The following TRPC1 variants were observed in gnomAD, a reference collection of about 807,000 sequenced individuals.
TRPC1 encodes transient receptor potential cation channel subfamily C member 1.
In TRPC1, 42 loss-of-function variants were observed where a neutral mutation model predicts 88.2. The observed-to-expected ratio is 0.48, with a 90% confidence interval of 0.37 to 0.62. TRPC1 has a LOEUF of 0.62. TRPC1 is among the 20% of genes least tolerant of loss of function. The pLI, the probability that TRPC1 is intolerant of heterozygous loss-of-function variation, is 0.00. For synonymous variants in TRPC1, 288 were observed against 331.8 expected, an observed-to-expected ratio of 0.87 and a Z score of 1.43; for missense variants, 699 against 957.3, an observed-to-expected ratio of 0.73 and a Z score of 3.56.
Position 142,807,187 on chromosome 3 carries a change from G to A in TRPC1, c.*952G>A, listed in dbSNP as rs913591193. 6.6e-6 allele frequency: 1 copy of A among 151,392 alleles called. No homozygotes were observed. Among genetic ancestry groups the A allele is most frequent in the Non-Finnish European group, 1.5e-5 (1 of 67,898 alleles). The allele number at this position is 151,392 out of a possible 1,614,324, so 9.4% of individuals were successfully genotyped here. On this transcript the variant is annotated 3_prime_UTR_variant, in exon 13 of 13. Transcript: ENST00000476941. ...ACCTGTTTTGTTTTTGTAAAACATAGGAAGTCTCTTTAATGCAATGATTTG... is the reference window on the plus strand; with the variant it reads ...ACCTGTTTTGTTTTTGTAAAACATAAGAAGTCTCTTTAATGCAATGATTTG...
At chr3:142,802,677 G>A (rs895572012) in intron 10 of TRPC1, among the ~76,000 whole-genome samples, 1 of 152,028 alleles carries the variant, frequency 6.6e-6, no homozygotes, top group Non-Finnish European at 1.5e-5. Context: ...TGTCCTTCAG[G>A]TATTAAATGT....
intron 4 of TRPC1, among the ~76,000 whole-genome samples, chr3:142,774,589 A>G (rs1435298473): frequency 1.3e-5 from 2 of 152,224 alleles, no homozygotes; most frequent in East Asian, 1.9e-4. Flanking sequence ...TGATGGAGGC[A>G]GTTCTAGGCA....
intron 4 of TRPC1, among the ~76,000 whole-genome samples, chr3:142,774,300 G>C (rs185623166): frequency 1.3e-3 from 192 of 152,314 alleles, no homozygotes; most frequent in Middle Eastern, 0.01. Flanking sequence ...AATTTGTGGA[G>C]AACTTATGTG....
chr3:142,737,330 A>ATGTATGTATG lies in TRPC1; in HGVS notation c.327+798_327+799insGTATGTATGT, dbSNP rs1560093169. 2.0e-4 allele frequency among the ~76,000 whole-genome samples: 12 copies of ATGTATGTATG among 60,164 alleles called. No individual in the cohort carries two copies. In the East Asian group the frequency reaches 4.4e-3, roughly 22 times the overall value. 39.5% of individuals were successfully genotyped at this position (60,164 alleles called of 152,430 possible). A position where few individuals can be genotyped will look rare whatever the true frequency, so the allele number is the denominator to read the frequency against. On this transcript the variant is annotated intron_variant, in intron 2 of 12. Coordinates refer to ENST00000476941, the MANE Select transcript of TRPC1 (RefSeq NM_001251845.2). ...TTCTATGTACATTGCTATTTTATATATATATATGTATGTATGTATGTATGT... is the reference window on the plus strand; with the variant it reads ...TTCTATGTACATTGCTATTTTATATATGTATGTATGTATATATGTATGTATGTATGTATGT...
At chr3:142,783,552 G>C (rs1304208950) in intron 6 of TRPC1, among the ~76,000 whole-genome samples, 2 of 151,952 alleles carry the variant, frequency 1.3e-5, no homozygotes, top group Non-Finnish European at 2.9e-5. Flanking sequence ...TTCAAGTTTT[G>C]CTTATTTGGA....
intron 4 of TRPC1, among the ~76,000 whole-genome samples, chr3:142,758,138 A>G (rs1935042276): frequency 6.6e-6 from 1 of 151,604 alleles, no homozygotes; most frequent in African/African-American, 2.4e-5. Context: ...TGGTAGTTCT[A>G]TTTTTAGTTT....
At chr3:142,731,374 A>ATTTTTTTTTTTT (rs59613066) in intron 1 of TRPC1, among the ~76,000 whole-genome samples, 1 of 79,524 alleles carries the variant, frequency 1.3e-5, no homozygotes, top group Non-Finnish European at 2.4e-5. Flanking sequence ...ATATGTTTTG[A>ATTTTTTTTTTTT]TTTTTTTTTT....
intron 11 of TRPC1, 88 bp downstream of exon 11, chr3:142,804,266 A>G: frequency 1.6e-6 from 2 of 1,242,352 alleles, no homozygotes; most frequent in Non-Finnish European, 1.1e-6. Context: ...TTATAAGATT[A>G]TAAGAATTGA....
chr3:142,784,142 G>A (rs1350227103), intron 6 of TRPC1, among the ~76,000 whole-genome samples: 1 of 152,042 alleles, frequency 6.6e-6, no homozygotes, highest in African/African-American at 2.4e-5. Context: ...TTGCTATCTT[G>A]ACTTCTTGGC....
intron 4 of TRPC1, among the ~76,000 whole-genome samples, chr3:142,749,441 AAAG>A (rs1194026007): frequency 6.6e-6 from 1 of 152,220 alleles, no homozygotes; most frequent in African/African-American, 2.4e-5. Flanking sequence ...AAATATTCCA[AAAG>A]AAGGCATTGT....
rs772034228 is a variant in TRPC1, at chr3:142,804,113, G to A, written c.1894G>A (p.Val632Met). Residue 632 changes from valine (V) to methionine (M), a missense_variant, in exon 11 of 13, where the codon GTG becomes ATG. By Grantham distance (21) the Val-to-Met change is conservative. Coordinates refer to ENST00000476941, the MANE Select transcript of TRPC1 (RefSeq NM_001251845.2). ...TGTCATTGTTGGTACATACAATGTC[G>A]TGGTTGTGATTGTGCTTACCAAACT... ...GAVIVGTYNV[V>M]VVIVLTKLLV... 49 of 1,613,770 alleles carry A rather than the reference G, an allele frequency of 3.0e-5. No individual in the cohort carries two copies. Among genetic ancestry groups the A allele is most frequent in the South Asian group, 2.5e-4 (23 of 91,086 alleles).
chr3:142,761,766 T>C (rs1294462481), intron 4 of TRPC1, among the ~76,000 whole-genome samples: 2 of 152,134 alleles, frequency 1.3e-5, no homozygotes, highest in South Asian at 4.1e-4. Context: ...GATTGGTTTG[T>C]TGAGGTTTTC....
intron 5 of TRPC1, among the ~76,000 whole-genome samples, chr3:142,780,596 G>T (rs1214186167): frequency 6.6e-6 from 1 of 152,104 alleles, no homozygotes; most frequent in African/African-American, 2.4e-5. Flanking sequence ...AATGAACACT[G>T]TGCTCATCTA....
In TRPC1 at chr3:142,776,487, G is replaced by A. The variant is rs191786590; in HGVS notation, c.633-1145G>A. On this transcript the variant is annotated intron_variant, in intron 4 of 12. Transcript: ENST00000476941. This position sits in a 1 kb window ranked among gnomAD's most constrained non-coding sequence, Gnocchi z 4.1. ...TGAATATTAATTTATAGATGGCAAA[G>A]GGAGTGCTTTTTTACATTACAGACT... 2.4e-3 allele frequency among the ~76,000 whole-genome samples: 370 copies of A among 152,210 alleles called. No individual in the cohort carries two copies. Among genetic ancestry groups the A allele is most frequent in the Non-Finnish European group, 4.5e-3 (305 of 68,006 alleles).
chr3:142,769,058 T>A (rs1238469848), intron 4 of TRPC1, among the ~76,000 whole-genome samples: 1 of 152,182 alleles, frequency 6.6e-6, no homozygotes, highest in Non-Finnish European at 1.5e-5. Flanking sequence ...GCTTTAGCAT[T>A]CTCAGTATGG....
intron 9 of TRPC1, chr3:142,801,224 T>C (rs990401758): frequency 8.5e-5 from 13 of 152,254 alleles, no homozygotes; most frequent in African/African-American, 3.1e-4. Context: ...ACAGCTCTTT[T>C]AGAATTTGTC....
In TRPC1 at chr3:142,802,156, A is replaced by G. The variant is rs572010445; in HGVS notation, c.1582-13A>G. 6.6e-7 allele frequency: 1 copy of G among 1,520,532 alleles called. No individual in the cohort carries two copies. Among genetic ancestry groups the G allele is most frequent in the South Asian group, 1.4e-5 (1 of 72,054 alleles). 94.2% of individuals were successfully genotyped at this position (1,520,532 alleles called of 1,614,324 possible). On this transcript the variant is annotated splice_polypyrimidine_tract_variant and intron_variant, in intron 9 of 12. Transcript: ENST00000476941. ...GATAATCTTAATGAACACCTGTGTA[A>G]TATATTCCACAGATTTCAATGGGAC...
rs377109059 is a variant in TRPC1, at chr3:142,724,509, C to T, written c.-51C>T. On this transcript the variant is annotated 5_prime_UTR_variant, in exon 1 of 13. Transcript: ENST00000476941. This position sits in a 1 kb window ranked among gnomAD's most constrained non-coding sequence, Gnocchi z 5.6. ...GCTGGGGTCGGGGTCGGGGTCGGGGCCGGTGGGGGCCCCGCCCCCGTCTCC... is the reference window on the plus strand; with the variant it reads ...GCTGGGGTCGGGGTCGGGGTCGGGGTCGGTGGGGGCCCCGCCCCCGTCTCC... The T allele has an allele frequency of 1.4e-6, 2 of 1,461,012 alleles. No homozygotes were observed. Among genetic ancestry groups the T allele is most frequent in the African/African-American group, 1.5e-5 (1 of 66,826 alleles). 90.5% of individuals were successfully genotyped at this position (1,461,012 alleles called of 1,614,324 possible).
Position 142,793,203 on chromosome 3 carries a change from C to T in TRPC1, c.1581+236C>T, listed in dbSNP as rs144852920. On this transcript the variant is annotated intron_variant, in intron 9 of 12. Coordinates refer to ENST00000476941, the MANE Select transcript of TRPC1 (RefSeq NM_001251845.2). ...GCTGTGGTCCATTAGCCTCCTCCCC[C>T]CACTTCATAGACATAGATATGTTTA... Among the ~76,000 whole-genome samples the T allele has an allele frequency of 5.9e-5, 9 of 152,094 alleles. 1 individual carries two copies. Among genetic ancestry groups the T allele is most frequent in the African/African-American group, 2.2e-4 (9 of 41,534 alleles).
Sources: gnomAD v4.1 joint callset for allele counts (sites outside exome capture counted in the v4.1 genomes callset) on GRCh38, gnomAD v4.1.1 for gene constraint, Gnocchi (gnomAD v3.1) non-coding constraint, MANE v1.5 for transcripts, NCBI Gene and HGNC (gene_info 2026-07-23, HGNC 2026-07-21) for gene names.